CD44: variants seen among roughly 807,000 people sequenced by gnomAD.
The protein encoded by CD44 is CD44 molecule (IN blood group), also known as CD44 antigen.
In CD44, 49 loss-of-function variants were observed where a neutral mutation model predicts 88.8. That is an observed-to-expected ratio of 0.55 (90% CI 0.44 to 0.70). The LOEUF is 0.70. Among genes scored for constraint, CD44 ranks in the 30% least tolerant of loss-of-function variants. The pLI is 0.00. For missense variants in CD44, 883 were observed against 913.8 expected (o/e 0.97, Z 0.43); for synonymous variants, 325 against 312.3 (o/e 1.04, Z -0.43).
At chr11:35,147,600 A>T (rs117027080) in intron 1 of CD44, among the ~76,000 whole-genome samples, 6,424 of 149,564 alleles carry the variant, frequency 0.043, 230 homozygotes, top group Admixed American at 0.11. Context: ...CCCATATTCC[A>T]GCCCCCTTCC....
intron 9 of CD44, among the ~76,000 whole-genome samples, chr11:35,202,496 G>C (rs1255543666): frequency 6.6e-6 from 1 of 152,072 alleles, no homozygotes; most frequent in African/African-American, 2.4e-5. Flanking sequence ...TATCTATCCC[G>C]CTGAGATATG....
In CD44 at chr11:35,160,380, C is replaced by A. The variant is rs567858216; in HGVS notation, c.68-16195C>A. Among the ~76,000 whole-genome samples the A allele has an allele frequency of 1.1e-4, 16 of 152,324 alleles. No homozygotes were observed. The East Asian group carries it at 3.1e-3, about 29-fold the overall frequency. ...TTTGGTGTATTCTGAGAGCAGGATG[C>A]TGGTAACACTTTCTTTTGTGTTTTG... On this transcript the variant is annotated intron_variant, in intron 1 of 17. Transcript: ENST00000428726.
At chr11:35,174,848 G>A (rs964023049) in intron 1 of CD44, among the ~76,000 whole-genome samples, 4 of 152,208 alleles carry the variant, frequency 2.6e-5, no homozygotes, top group Admixed American at 6.5e-5. Context: ...ATTGGGTACT[G>A]TTATAGGGAT....
At chr11:35,208,237 GA>G in intron 12 of CD44, 31 bp downstream of exon 12, 1 of 1,376,160 alleles carries the variant, frequency 7.3e-7, no homozygotes, top group Non-Finnish European at 1.0e-6. Flanking sequence ...CCACTTTATT[GA>G]CTTGTATTCC....
intron 1 of CD44, among the ~76,000 whole-genome samples, chr11:35,157,036 T>C (rs353613): frequency 0.16 from 24,293 of 152,080 alleles, 2,114 homozygotes; most frequent in African/African-American, 0.23. Flanking sequence ...CCTGTCTCTA[T>C]TAAAAATTAG....
Position 35,230,774 on chromosome 11 carries a change from T to TC in CD44, c.*1443dup, listed in dbSNP as rs1950022978. On this transcript the variant is annotated 3_prime_UTR_variant, in exon 18 of 18. Transcript: ENST00000428726. ...TGGCATTTATTCATCAGTCAGGGTG[T>TC]CCGATTGGTCCTAGAACTTCCAAAG... is the stretch of plus-strand genomic sequence containing the variant. The TC allele has an allele frequency of 6.6e-6, 1 of 152,230 alleles. No individual in the cohort carries two copies. The highest frequency in any genetic ancestry group is 2.1e-4 in the South Asian group (1 of 4,832). The allele number at this position is 152,230 out of a possible 1,614,324, so 9.4% of individuals were successfully genotyped here. A position where few individuals can be genotyped will look rare whatever the true frequency, so the allele number is the denominator to read the frequency against.
At chr11:35,222,576 A>C (rs56157648) in intron 17 of CD44, 369 of 864,924 alleles carry the variant, frequency 4.3e-4, no homozygotes, top group Non-Finnish European at 4.8e-4. Context: ...ATAGGTTTAC[A>C]TGTTATTTAC....
chr11:35,195,453 A>G (rs1257292316), intron 5 of CD44, among the ~76,000 whole-genome samples: 1 of 152,140 alleles, frequency 6.6e-6, no homozygotes, highest in Non-Finnish European at 1.5e-5. Flanking sequence ...CAGAATAAAG[A>G]CAATGCTATT....
intron 10 of CD44, among the ~76,000 whole-genome samples, chr11:35,205,378 C>T (rs1947728456): frequency 6.6e-6 from 1 of 151,972 alleles, no homozygotes; most frequent in Non-Finnish European, 1.5e-5. Flanking sequence ...TTTCTATTTG[C>T]AACATAGAAG....
chr11:35,199,931 GTTGTT>G (rs374672337), intron 7 of CD44, among the ~76,000 whole-genome samples: 48 of 36,160 alleles, frequency 1.3e-3, no homozygotes, highest in East Asian at 6.0e-3. Context: ...TTCCCATGGT[GTTGTT>G]TTTTTTTTTT....
At chr11:35,199,272 A>G (rs1413124367) in intron 7 of CD44, among the ~76,000 whole-genome samples, 1 of 152,228 alleles carries the variant, frequency 6.6e-6, no homozygotes, top group Non-Finnish European at 1.5e-5. Flanking sequence ...GAACAAAGAG[A>G]TGGAAATTGA....
At chr11:35,220,880 C>A (rs1466565337) in intron 16 of CD44, among the ~76,000 whole-genome samples, 1 of 151,268 alleles carries the variant, frequency 6.6e-6, no homozygotes, top group African/African-American at 2.4e-5. Flanking sequence ...GATTCTCCTG[C>A]CTCAGCCTCC....
intron 12 of CD44, 41 bp from the exon 13 acceptor site, chr11:35,209,924 T>C: frequency 7.6e-7 from 1 of 1,313,100 alleles, no homozygotes; most frequent in Non-Finnish European, 1.1e-6. Context: ...ATTTGTACCG[T>C]AGCTTCAAAT....
chr11:35,180,250 T>C lies in CD44; in HGVS notation c.234-24T>C, dbSNP rs548976016. ...TTCCCATCTTAGCCATTTAGGTCAA[T>C]ATCCTGTTGTTTTTCTCTTACAGGT... On this transcript the variant is annotated intron_variant, in intron 2 of 17. Transcript: ENST00000428726. 5.6e-5 allele frequency: 91 copies of C among 1,613,306 alleles called. No homozygotes were observed. In the South Asian group the frequency reaches 8.2e-4, roughly 15 times the overall value.
At chr11:35,178,056 G>A (rs932140230) in intron 2 of CD44, among the ~76,000 whole-genome samples, 7 of 152,126 alleles carry the variant, frequency 4.6e-5, no homozygotes, top group Non-Finnish European at 1.0e-4. Context: ...GCAGAGAGAG[G>A]GAGAAAGCTC....
chr11:35,195,730 T>G (rs1946677876), intron 5 of CD44, among the ~76,000 whole-genome samples: 1 of 152,068 alleles, frequency 6.6e-6, no homozygotes, highest in Non-Finnish European at 1.5e-5. Flanking sequence ...CTTTGGAGAT[T>G]TTTAAATCAA....
At chr11:35,194,486 C>T (rs1946548121) in intron 5 of CD44, among the ~76,000 whole-genome samples, 1 of 152,292 alleles carries the variant, frequency 6.6e-6, no homozygotes, top group East Asian at 1.9e-4. Context: ...AGATATGGTC[C>T]TGGTTTGGTA....
At chr11:35,204,375 G>A (rs549514499) in intron 9 of CD44, 137 bp from the exon 10 acceptor site, 2 of 707,370 alleles carry the variant, frequency 2.8e-6, no homozygotes, top group Non-Finnish European at 4.8e-6. Flanking sequence ...TAGAATATCA[G>A]TGGCCTGTTT....
intron 5 of CD44, among the ~76,000 whole-genome samples, chr11:35,193,828 G>A (rs1034752117): frequency 6.6e-6 from 1 of 152,192 alleles, no homozygotes; most frequent in Non-Finnish European, 1.5e-5. Flanking sequence ...AATAAAAAGT[G>A]ACAGAAATGA....
Sources: gnomAD v4.1 joint callset for allele counts (sites outside exome capture counted in the v4.1 genomes callset) on GRCh38, gnomAD v4.1.1 for gene constraint, MANE v1.5 for transcripts, NCBI Gene and HGNC (gene_info 2026-07-23, HGNC 2026-07-21) for gene names.